SLC10A7: variants seen among roughly 807,000 people sequenced by gnomAD.
SLC10A7 encodes sodium/bile acid cotransporter 7.
In SLC10A7, 29 loss-of-function variants were observed where a neutral mutation model predicts 43.2. The observed-to-expected ratio is 0.67, with a 90% CI of 0.50 to 0.92. The LOEUF (loss-of-function observed/expected upper bound fraction) is 0.92, where lower values mean the gene tolerates loss of function less well. Among genes scored for constraint, SLC10A7 ranks in the 40% least tolerant of loss-of-function variants. SLC10A7 has a pLI of 0.00. For synonymous variants in SLC10A7, 152 were observed against 144.8 expected (o/e 1.05, Z -0.35); for missense variants, 295 against 403.2 (o/e 0.73, Z 2.30).
intron 5 of SLC10A7, among the ~76,000 whole-genome samples, chr4:146,360,270 C>T (rs925580492): frequency 1.1e-4 from 17 of 152,142 alleles, no homozygotes; most frequent in African/African-American, 4.1e-4. Context: ...TCCAGTCTAG[C>T]CCTGCTCCAA....
intron 4 of SLC10A7, among the ~76,000 whole-genome samples, chr4:146,494,198 G>C (rs1203617657): frequency 6.6e-6 from 1 of 152,186 alleles, no homozygotes; most frequent in African/African-American, 2.4e-5. Context: ...ATTGCTCCTT[G>C]TATGGGGAAA....
At chr4:146,378,218 C>T (rs184676181) in intron 5 of SLC10A7, among the ~76,000 whole-genome samples, 9 of 152,194 alleles carry the variant, frequency 5.9e-5, no homozygotes, top group Admixed American at 2.0e-4. Flanking sequence ...TGCTTTCTTG[C>T]GCCAAAAAAG....
chr4:146,447,585 T>C (rs1282250085), intron 4 of SLC10A7, among the ~76,000 whole-genome samples: 1 of 152,178 alleles, frequency 6.6e-6, no homozygotes, highest in African/African-American at 2.4e-5. Context: ...AGTAATGTTT[T>C]TATTATTAAC....
At chr4:146,373,491 G>T (rs1458583982) in intron 5 of SLC10A7, among the ~76,000 whole-genome samples, 1 of 110,746 alleles carries the variant, frequency 9.0e-6, no homozygotes, top group Non-Finnish European at 1.9e-5. Flanking sequence ...AAAAAAAAAT[G>T]TGATAACAAA....
chr4:146,435,951 T>C (rs545650145), intron 5 of SLC10A7, among the ~76,000 whole-genome samples: 8 of 152,188 alleles, frequency 5.3e-5, no homozygotes, highest in African/African-American at 1.9e-4. Flanking sequence ...AAAATGAAAG[T>C]ACATGGCATT....
chr4:146,368,272 A>T (rs2244317), intron 5 of SLC10A7, among the ~76,000 whole-genome samples: 1,665 of 152,316 alleles, frequency 0.011, 25 homozygotes, highest in African/African-American at 0.037. Context: ...CAACCCTTTC[A>T]GTCAAGGTTG....
intron 7 of SLC10A7, among the ~76,000 whole-genome samples, chr4:146,296,258 G>C (rs1430536376): frequency 6.6e-6 from 1 of 152,038 alleles, no homozygotes; most frequent in Non-Finnish European, 1.5e-5. Flanking sequence ...TTGTTACACT[G>C]TACTTTTAAA....
chr4:146,358,075 A>C (rs1221843692), intron 5 of SLC10A7, among the ~76,000 whole-genome samples: 17 of 146,234 alleles, frequency 1.2e-4, no homozygotes, highest in South Asian at 8.6e-4. Context: ...CACCCCCACA[A>C]AAAAAAAAAA....
intron 10 of SLC10A7, among the ~76,000 whole-genome samples, chr4:146,274,822 A>T (rs965072546): frequency 1.3e-5 from 2 of 152,164 alleles, no homozygotes; most frequent in African/African-American, 4.8e-5. Flanking sequence ...TGTCATAAGG[A>T]TATTCTTTTG....
In SLC10A7 at chr4:146,305,021, T is replaced by C. The variant is rs1278608312; in HGVS notation, c.555+905A>G. Among the ~76,000 whole-genome samples, 3 of 151,916 alleles carry C rather than the reference T, an allele frequency of 2.0e-5. No homozygotes were observed. The East Asian group carries it at 5.8e-4, about 29-fold the overall frequency. ...CCATTGTGGAAGTCAGTGTGGCGATTCCTCGGGGATCTAGAACTAGAAATA... is the reference window on the plus strand; with the variant it reads ...CCATTGTGGAAGTCAGTGTGGCGATCCCTCGGGGATCTAGAACTAGAAATA... On this transcript the variant is annotated intron_variant, in intron 7 of 11. Coordinates refer to ENST00000335472, the MANE Select transcript of SLC10A7 (RefSeq NM_001029998.6).
At chr4:146,427,551 C>T (rs1729463928) in intron 5 of SLC10A7, among the ~76,000 whole-genome samples, 1 of 152,036 alleles carries the variant, frequency 6.6e-6, no homozygotes, top group Non-Finnish European at 1.5e-5. Context: ...ATTCAACCAT[C>T]TTTGAGGAAA....
At chr4:146,256,685 C>T in intron 11 of SLC10A7, 165 bp from the exon 12 acceptor site, 3 of 984,646 alleles carry the variant, frequency 3.0e-6, no homozygotes, top group Non-Finnish European at 4.5e-6. Context: ...GATTTCCCTG[C>T]CCACCTCTCT....
At chr4:146,513,009 G>T (rs988666145) in intron 2 of SLC10A7, among the ~76,000 whole-genome samples, 1 of 152,038 alleles carries the variant, frequency 6.6e-6, no homozygotes, top group Non-Finnish European at 1.5e-5. Flanking sequence ...GTGCCAAAGA[G>T]TATGAAATAC....
chr4:146,289,412 T>C (rs1461006545), intron 9 of SLC10A7, among the ~76,000 whole-genome samples: 1 of 152,218 alleles, frequency 6.6e-6, no homozygotes, highest in Non-Finnish European at 1.5e-5. Flanking sequence ...GCCACTCTAA[T>C]GACAATATAG....
At chr4:146,514,979 G>T (rs896127760) in intron 2 of SLC10A7, 7 of 588,672 alleles carry the variant, frequency 1.2e-5, no homozygotes, top group Non-Finnish European at 2.1e-5. Flanking sequence ...GATAAAGCAC[G>T]AGATCACGGC....
chr4:146,462,425 G>T (rs1444125036), intron 4 of SLC10A7, among the ~76,000 whole-genome samples: 2 of 151,986 alleles, frequency 1.3e-5, no homozygotes, highest in African/African-American at 4.8e-5. Flanking sequence ...GCCCAGTGTG[G>T]GAAGTGACTT....
chr4:146,378,584 T>A (rs1000388748), intron 5 of SLC10A7, among the ~76,000 whole-genome samples: 2 of 152,164 alleles, frequency 1.3e-5, no homozygotes, highest in African/African-American at 4.8e-5. Flanking sequence ...GAAGGAAAGG[T>A]GTTTGTGTCA....
At chr4:146,487,047 G>A (rs944030244) in intron 4 of SLC10A7, among the ~76,000 whole-genome samples, 4 of 152,158 alleles carry the variant, frequency 2.6e-5, no homozygotes, top group Admixed American at 2.6e-4. Context: ...AGGTAATCCT[G>A]TTCCATTGAC....
At chr4:146,272,964 C>T (rs1728986586) in intron 10 of SLC10A7, among the ~76,000 whole-genome samples, 1 of 152,072 alleles carries the variant, frequency 6.6e-6, no homozygotes, top group Non-Finnish European at 1.5e-5. Context: ...AAGTGTGCCC[C>T]TCATTACTTT....
Sources: gnomAD v4.1 joint callset for allele counts (sites outside exome capture counted in the v4.1 genomes callset) on GRCh38, gnomAD v4.1.1 for gene constraint, MANE v1.5 for transcripts, NCBI Gene and HGNC (gene_info 2026-07-23, HGNC 2026-07-21) for gene names.